The following DCDC2 variants were observed in gnomAD, a reference collection of about 807,000 sequenced individuals.
DCDC2 encodes the protein doublecortin domain containing 2, also known as doublecortin domain-containing protein 2.
A neutral mutation model predicts 50.2 loss-of-function variants in DCDC2; 40 were observed. The observed-to-expected ratio is 0.80, with a 90% CI of 0.62 to 1.04. DCDC2 has a LOEUF of 1.04. DCDC2 is among the 50% of genes least tolerant of loss of function. The probability of loss-of-function intolerance (pLI) is 0.00; values close to 1 mark genes in which losing one functional copy is unlikely to be tolerated. For synonymous variants in DCDC2, 234 were observed against 210.6 expected, an observed-to-expected ratio of 1.11 and a Z score of -0.96; for missense variants, 570 against 581.9, an observed-to-expected ratio of 0.98 and a Z score of 0.21.
chr6:24,346,941 G>A (rs906752940), intron 2 of DCDC2, among the ~76,000 whole-genome samples: 8 of 152,060 alleles, frequency 5.3e-5, no homozygotes, highest in Admixed American at 2.6e-4. Flanking sequence ...GTGGGCATGA[G>A]ATAATAATAC....
upstream of DCDC2, among the ~76,000 whole-genome samples, chr6:24,359,292 T>C (rs1349657508): frequency 1.6e-5 from 1 of 60,634 alleles, no homozygotes; most frequent in Non-Finnish European, 2.7e-5. Flanking sequence ...TTATATATTT[T>C]ATATTTTTTA....
chr6:24,242,894 A>C (rs1218520045), intron 7 of DCDC2, among the ~76,000 whole-genome samples: 1 of 152,068 alleles, frequency 6.6e-6, no homozygotes, highest in Non-Finnish European at 1.5e-5. Flanking sequence ...ACCAAGAGGC[A>C]CAAGTTGCAG....
chr6:24,281,892 T>C (rs1763481246), intron 6 of DCDC2, among the ~76,000 whole-genome samples: 1 of 152,202 alleles, frequency 6.6e-6, no homozygotes, highest in African/African-American at 2.4e-5. Context: ...ATTATCACCA[T>C]TTTATAGATA....
chr6:24,281,487 GAAAAAAAAAAAAA>G (rs59842458), intron 6 of DCDC2, among the ~76,000 whole-genome samples: 1 of 83,782 alleles, frequency 1.2e-5, no homozygotes, highest in Non-Finnish European at 2.3e-5. Context: ...ATGCTTTTAA[GAAAAAAAAAAAAA>G]AAAAAAAAAG....
chr6:24,278,260 A>C, intron 6 of DCDC2, 49 bp from the exon 7 acceptor site: 1 of 1,522,748 alleles, frequency 6.6e-7, no homozygotes. Flanking sequence ...GAACTCTCAA[A>C]AACATTCCCA....
intron 7 of DCDC2, among the ~76,000 whole-genome samples, chr6:24,219,710 G>A (rs776941417): frequency 3.3e-5 from 5 of 152,290 alleles, no homozygotes; most frequent in South Asian, 2.1e-4. Context: ...CACCAACCAC[G>A]TTAAAATTCT....
intron 2 of DCDC2, among the ~76,000 whole-genome samples, chr6:24,325,048 T>C (rs547502860): frequency 2.8e-4 from 43 of 152,260 alleles, no homozygotes; most frequent in Non-Finnish European, 4.7e-4. Context: ...TTCGTCTTAC[T>C]CTCAGCCTGC....
At position 24,284,288 on chromosome 6, in the gene DCDC2, A is replaced by G. The variant is rs377511894; in HGVS notation, c.759+4564T>C. Among the ~76,000 whole-genome samples, 32 of 152,202 alleles carry G rather than the reference A, an allele frequency of 2.1e-4. No individual in the cohort carries two copies. In the East Asian group the frequency reaches 6.2e-3, roughly 29 times the overall value. On this transcript the variant is annotated intron_variant, in intron 6 of 9. Transcript: ENST00000378454. ...CTTGCCCCAAACCATTTCTCTAGAG[A>G]TACCACAGCCAGAATGAGCACTTAA... is the stretch of plus-strand genomic sequence containing the variant.
At chr6:24,282,148 T>C (rs1431710223) in intron 6 of DCDC2, among the ~76,000 whole-genome samples, 1 of 152,150 alleles carries the variant, frequency 6.6e-6, no homozygotes, top group Admixed American at 6.5e-5. Context: ...CACATGCATA[T>C]CAGTATATCC....
chr6:24,312,512 T>C (rs1759591593), intron 2 of DCDC2, among the ~76,000 whole-genome samples: 1 of 152,164 alleles, frequency 6.6e-6, no homozygotes, highest in Non-Finnish European at 1.5e-5. Context: ...AGTTAGAGAA[T>C]ATGTCTTTAA....
chr6:24,257,304 A>C (rs1762914649), intron 7 of DCDC2, among the ~76,000 whole-genome samples: 1 of 152,230 alleles, frequency 6.6e-6, no homozygotes, highest in African/African-American at 2.4e-5. Flanking sequence ...TCTCTCATCA[A>C]GCTCTTCAGA....
chr6:24,376,885 T>C, the DCDC2 span, among the ~76,000 whole-genome samples: 10 of 150,130 alleles, frequency 6.7e-5, no homozygotes, highest in Non-Finnish European at 8.9e-5. Context: ...TGCAACCACA[T>C]ACCTACTTTA....
chr6:24,287,528 C>G (rs1340798729), intron 6 of DCDC2, among the ~76,000 whole-genome samples: 1 of 152,068 alleles, frequency 6.6e-6, no homozygotes, highest in Admixed American at 6.6e-5. Context: ...GACAAAGATG[C>G]CTGCCTTGTG....
intron 8 of DCDC2, among the ~76,000 whole-genome samples, chr6:24,185,120 C>A (rs769205104): frequency 6.6e-6 from 1 of 152,172 alleles, no homozygotes; most frequent in Non-Finnish European, 1.5e-5. Flanking sequence ...AGCCTTACCT[C>A]TTTCTTTATC....
chr6:24,345,908 G>T (rs1760245418), intron 2 of DCDC2, among the ~76,000 whole-genome samples: 1 of 152,144 alleles, frequency 6.6e-6, no homozygotes. Flanking sequence ...GACTGGGCAT[G>T]GTGGCTCACA....
chr6:24,225,416 C>T (rs888881058), intron 7 of DCDC2, among the ~76,000 whole-genome samples: 20 of 152,286 alleles, frequency 1.3e-4, no homozygotes, highest in South Asian at 2.1e-4. Flanking sequence ...GATACACACA[C>T]ACACACACAA....
chr6:24,334,244 C>G (rs547128645), intron 2 of DCDC2, among the ~76,000 whole-genome samples: 1 of 152,132 alleles, frequency 6.6e-6, no homozygotes, highest in East Asian at 1.9e-4. Flanking sequence ...AGGTATTGTT[C>G]TTTTATCATG....
chr6:24,291,290 G>A (rs1581635030), intron 4 of DCDC2, among the ~76,000 whole-genome samples: 1 of 152,208 alleles, frequency 6.6e-6, no homozygotes, highest in East Asian at 1.9e-4. Flanking sequence ...ATGTTATAAT[G>A]CAGATACAAT....
At chr6:24,248,147 T>C (rs1762724040) in intron 7 of DCDC2, among the ~76,000 whole-genome samples, 1 of 152,238 alleles carries the variant, frequency 6.6e-6, no homozygotes, top group African/African-American at 2.4e-5. Context: ...GCTCAGTTTC[T>C]GCATCTGTAG....
Sources: gnomAD v4.1 joint callset for allele counts (sites outside exome capture counted in the v4.1 genomes callset) on GRCh38, gnomAD v4.1.1 for gene constraint, MANE v1.5 for transcripts, NCBI Gene and HGNC (gene_info 2026-07-23, HGNC 2026-07-21) for gene names.